Variants in CTXN3 observed in about 807,000 individuals in gnomAD.
CTXN3 encodes cortexin-3.
In CTXN3, 4 loss-of-function variants were observed where a neutral mutation model predicts 5.0. That is an observed-to-expected ratio of 0.79 (90% CI 0.39 to 1.82). CTXN3 has a LOEUF of 1.82. Among genes scored for constraint, CTXN3 ranks in the 40% most tolerant of loss-of-function variants. The pLI is 0.04. For synonymous variants in CTXN3, 48 were observed against 38.6 expected (o/e 1.24, Z -0.91); for missense variants, 89 against 99.7 (o/e 0.89, Z 0.46).
chr5:127,654,390 CT>C (rs1322844330), intron 2 of CTXN3, among the ~76,000 whole-genome samples: 1 of 152,164 alleles, frequency 6.6e-6, no homozygotes, highest in East Asian at 1.9e-4. Context: ...TGTACCTTGC[CT>C]TTTAATCAGT....
chr5:127,655,922 C>A (rs1313214347), intron 2 of CTXN3, among the ~76,000 whole-genome samples: 2 of 152,106 alleles, frequency 1.3e-5, no homozygotes, highest in Non-Finnish European at 2.9e-5. Flanking sequence ...GCTGGGATCC[C>A]CCTTATAAAT....
At chr5:127,652,524 G>A (rs914438047) in intron 1 of CTXN3, among the ~76,000 whole-genome samples, 8 of 152,036 alleles carry the variant, frequency 5.3e-5, no homozygotes, top group African/African-American at 1.2e-4. Context: ...TGATGTCTCT[G>A]GAGATGGAGT....
intron 1 of CTXN3, 80 bp downstream of exon 1, chr5:127,649,468 C>T (rs764688764): frequency 2.0e-5 from 3 of 152,184 alleles, no homozygotes; most frequent in Admixed American, 6.5e-5. Context: ...GAGCAATCAT[C>T]GCATACATGC....
intron 2 of CTXN3, among the ~76,000 whole-genome samples, chr5:127,655,230 T>A (rs1330357736): frequency 2.6e-5 from 4 of 152,112 alleles, no homozygotes; most frequent in African/African-American, 4.8e-5. Context: ...ACCATTGCAC[T>A]CCACCTTGGG....
At chr5:127,651,767 G>A (rs189162534) in intron 1 of CTXN3, 1 of 151,692 alleles carries the variant, frequency 6.6e-6, no homozygotes, top group Non-Finnish European at 1.5e-5. Flanking sequence ...AAGTCCCTGT[G>A]TGTGGCTCCA....
At position 127,657,477 on chromosome 5, in the gene CTXN3, A is replaced by C. The variant is rs1749935454; in HGVS notation, c.-45A>C. Reference sequence around the variant, plus strand: ...CATGACCTCCGCAGATTGATGATGGAAGAAAAGAAAACCAGGATATCCTGT... The same window carrying C: ...CATGACCTCCGCAGATTGATGATGGCAGAAAAGAAAACCAGGATATCCTGT... On this transcript the variant is annotated 5_prime_UTR_variant, in exon 3 of 3. Coordinates refer to ENST00000379445, the MANE Select transcript of CTXN3 (RefSeq NM_001048252.3). 6.2e-7 allele frequency: 1 copy of C among 1,606,034 alleles called. No individual in the cohort carries two copies. Among genetic ancestry groups the C allele is most frequent in the Non-Finnish European group, 8.5e-7 (1 of 1,176,142 alleles).
chr5:127,651,385 C>T (rs1156263434), intron 1 of CTXN3, among the ~76,000 whole-genome samples: 1 of 152,104 alleles, frequency 6.6e-6, no homozygotes, highest in Non-Finnish European at 1.5e-5. Flanking sequence ...TCACTGCACC[C>T]TACAGGCCGT....
In CTXN3 at chr5:127,655,122, G is replaced by A. The variant is rs1425565779; in HGVS notation, c.-100+1699G>A. ...CTACTAAAAATACAAAATTAGCTGG[G>A]CGTGGTGGTGCATGCCTGTAATCCC... On this transcript the variant is annotated intron_variant, in intron 2 of 2. Coordinates refer to ENST00000379445, the MANE Select transcript of CTXN3 (RefSeq NM_001048252.3). Among the ~76,000 whole-genome samples, 4 of 152,198 alleles carry A rather than the reference G, an allele frequency of 2.6e-5. No homozygotes were observed. The South Asian group carries it at 6.2e-4, about 24-fold the overall frequency.
intron 1 of CTXN3, chr5:127,651,609 T>C (rs1352569967): frequency 2.6e-5 from 4 of 151,922 alleles, no homozygotes; most frequent in Non-Finnish European, 5.9e-5. Flanking sequence ...ACAAAAATGG[T>C]GTAAAAAGAA....
At position 127,658,418 on chromosome 5, in the gene CTXN3, A is replaced by G; in HGVS notation, c.*651A>G. On this transcript the variant is annotated 3_prime_UTR_variant, in exon 3 of 3. Coordinates refer to ENST00000379445, the MANE Select transcript of CTXN3 (RefSeq NM_001048252.3). The stretch of plus-strand genomic sequence containing the variant: ...AACTATTTACCAAGCCAACTACATT[A>G]TATGTATTCATATTAATAACATGTG... 6.0e-6 allele frequency: 1 copy of G among 167,392 alleles called. No individual in the cohort carries two copies. The allele number at this position is 167,392 out of a possible 1,614,324, so 10.4% of individuals were successfully genotyped here.
intron 1 of CTXN3, among the ~76,000 whole-genome samples, chr5:127,650,908 T>C (rs1214291781): frequency 6.6e-6 from 1 of 152,178 alleles, no homozygotes; most frequent in East Asian, 1.9e-4. Context: ...AGCCCAGGCT[T>C]CCTTTAGTGC....
Position 127,657,644 on chromosome 5 carries a change from G to A in CTXN3, c.123G>A (p.Leu41=). Residue 41 remains leucine, a synonymous_variant, in exon 3 of 3, where the codon TTG becomes TTA. Coordinates refer to ENST00000379445, the MANE Select transcript of CTXN3 (RefSeq NM_001048252.3). ...TTGTGATTCTGTTGTTTATTTTCTT[G>A]GGCATTCTCATTGTCCGGTGCTTCC... ...FVFVILLFIF[L]GILIVRCFRI... is the part of the protein sequence containing the mutation. The A allele has an allele frequency of 6.2e-7, 1 of 1,614,144 alleles. No homozygotes were observed. Among genetic ancestry groups the A allele is most frequent in the Non-Finnish European group, 8.5e-7 (1 of 1,180,032 alleles).
chr5:127,656,712 C>CTTTG (rs963722953), intron 2 of CTXN3, among the ~76,000 whole-genome samples: 1 of 152,138 alleles, frequency 6.6e-6, no homozygotes, highest in Admixed American at 6.5e-5. Flanking sequence ...CAACACTTGG[C>CTTTG]TTTGTTTGTT....
At position 127,657,646 on chromosome 5, in the gene CTXN3, G is replaced by T; in HGVS notation, c.125G>T (p.Gly42Val). Residue 42 changes from glycine to valine, a missense_variant, in exon 3 of 3, where the codon GGC (glycine) becomes GTC (valine). Transcript: ENST00000379445. ...GTGATTCTGTTGTTTATTTTCTTGG[G>T]CATTCTCATTGTCCGGTGCTTCCGG... The part of the protein sequence containing the change: ...VFVILLFIFL[G>V]ILIVRCFRIL... 3 of 1,614,168 alleles carry T rather than the reference G, an allele frequency of 1.9e-6. No individual in the cohort carries two copies. Among genetic ancestry groups the T allele is most frequent in the Middle Eastern group, 3.3e-4 (2 of 6,062 alleles).
intron 1 of CTXN3, among the ~76,000 whole-genome samples, chr5:127,652,722 AC>A (rs1749810530): frequency 6.6e-6 from 1 of 152,170 alleles, no homozygotes; most frequent in South Asian, 2.1e-4. Context: ...GAGGTAGGAA[AC>A]CTGGAGGTGT....
At chr5:127,652,275 C>T (rs903120808) in intron 1 of CTXN3, 4 of 152,198 alleles carry the variant, frequency 2.6e-5, no homozygotes, top group Non-Finnish European at 5.9e-5. Context: ...GGTCCAGCAC[C>T]TCAGTCCGGC....
At chr5:127,653,862 G>T (rs1043202530) in intron 2 of CTXN3, among the ~76,000 whole-genome samples, 2 of 152,160 alleles carry the variant, frequency 1.3e-5, no homozygotes, top group Admixed American at 1.3e-4. Context: ...GAATTAGTCA[G>T]CATTGGTTTC....
chr5:127,650,374 G>C (rs907063437), intron 1 of CTXN3, among the ~76,000 whole-genome samples: 4 of 152,128 alleles, frequency 2.6e-5, no homozygotes, highest in Non-Finnish European at 4.4e-5. Flanking sequence ...TAGTAGACTT[G>C]AGTCTATGTT....
intron 2 of CTXN3, among the ~76,000 whole-genome samples, chr5:127,656,588 A>G (rs903309683): frequency 1.3e-5 from 2 of 152,196 alleles, no homozygotes; most frequent in African/African-American, 4.8e-5. Context: ...AAAAAGAAAA[A>G]GCAGCAGTAA....
Sources: gnomAD v4.1 joint callset for allele counts (sites outside exome capture counted in the v4.1 genomes callset) on GRCh38, gnomAD v4.1.1 for gene constraint, MANE v1.5 for transcripts, NCBI Gene and HGNC (gene_info 2026-07-23, HGNC 2026-07-21) for gene names.